The following ADAR variants were observed in gnomAD, a reference collection of about 807,000 sequenced individuals.
ADAR encodes adenosine deaminase RNA specific.
In ADAR, 41 loss-of-function variants were observed where a neutral mutation model predicts 113.2. That is an observed-to-expected ratio of 0.36 (90% CI 0.28 to 0.47). ADAR has a LOEUF of 0.47. Ranked by LOEUF, ADAR falls within the 20% of genes least tolerant of loss-of-function variation. ADAR has a pLI of 1.00. For missense variants in ADAR, 1,242 were observed against 1,540.9 expected, an observed-to-expected ratio of 0.81 and a Z score of 3.25; for synonymous variants, 605 against 572.6, an observed-to-expected ratio of 1.06 and a Z score of -0.81.
intron 7 of ADAR, 48 bp downstream of exon 7, chr1:154,590,136 G>GGGGGT: frequency 6.9e-7 from 1 of 1,445,368 alleles, no homozygotes; most frequent in Non-Finnish European, 9.6e-7. Context: ...TTAGGAGTTA[G>GGGGGT]GAGGACCCCC....
At chr1:154,615,523 C>T (rs1698610480) in intron 1 of ADAR, among the ~76,000 whole-genome samples, 1 of 152,212 alleles carries the variant, frequency 6.6e-6, no homozygotes. Flanking sequence ...AATCCTCCTG[C>T]CTCAGCTTCT....
At chr1:154,598,036 C>CAG (rs1697621225) in intron 3 of ADAR, 60 bp from the exon 4 acceptor site, 1 of 1,571,444 alleles carries the variant, frequency 6.4e-7, no homozygotes. Flanking sequence ...TAGTCCATCA[C>CAG]AGAAGAAGGG....
chr1:154,600,817 A>T (rs1016246144), intron 2 of ADAR: 2 of 632,098 alleles, frequency 3.2e-6, no homozygotes, highest in African/African-American at 3.7e-5. Context: ...CAACAGAGTC[A>T]ACCTCCCCCT....
chr1:154,591,665 T>C (rs3766927), intron 6 of ADAR, among the ~76,000 whole-genome samples: 96,450 of 152,206 alleles, frequency 0.63, 31,610 homozygotes, highest in South Asian at 0.77. Context: ...GATCCTAATC[T>C]ACTGGCTGAG....
intron 1 of ADAR, among the ~76,000 whole-genome samples, chr1:154,605,670 T>C (rs2101657782): frequency 6.6e-6 from 1 of 152,312 alleles, no homozygotes; most frequent in Non-Finnish European, 1.5e-5. Context: ...GTTGAATTAA[T>C]GACTGCATGA....
At chr1:154,611,141 C>CT (rs575044899), upstream of ADAR, among the ~76,000 whole-genome samples, 206 of 152,268 alleles carry the variant, frequency 1.4e-3, 3 homozygotes, top group South Asian at 2.5e-3. Context: ...TATCTTACCT[C>CT]TGCTTTCTTG....
rs146811257 is a variant in ADAR, at chr1:154,588,208, C to A, written c.2936G>T (p.Arg979Leu). 6.2e-7 allele frequency: 1 copy of A among 1,613,968 alleles called. No individual in the cohort carries two copies. The highest frequency in any genetic ancestry group is 2.2e-5 in the East Asian group (1 of 44,882). Residue 979 changes from arginine to leucine, a missense_variant, in exon 11 of 15, where the codon CGT (arginine) becomes CTT (leucine). By Grantham distance (102) the Arg-to-Leu change is moderately radical. This residue lies in a region of ADAR where 780 missense variants were observed against 1,057.9 expected (regional missense o/e 0.74). Coordinates refer to ENST00000368474, the MANE Select transcript of ADAR (RefSeq NM_001111.5). ...GCGGGATTCTGTGCTTTCCATAGCA[C>A]GGTCGCTGCAGGACTTGTCAAAGAG... ...GALFDKSCSD[R>L]AMESTESRHY...
chr1:154,621,716 GGTAGGGT>G (rs1698795510), intron 1 of ADAR, among the ~76,000 whole-genome samples: 1 of 152,150 alleles, frequency 6.6e-6, no homozygotes, highest in South Asian at 2.1e-4. Context: ...TGGAGAGGAG[GGTAGGGT>G]GAGGGAGAGG....
chr1:154,601,366 T>G lies in ADAR; in HGVS notation c.1276A>C (p.Arg426=). 1 of 1,614,262 alleles carries G rather than the reference T, an allele frequency of 6.2e-7. No homozygotes were observed. The highest frequency in any genetic ancestry group is 1.3e-5 in the African/African-American group (1 of 75,074). The part of the protein sequence containing the change: ...VIKLENRQEA[R]PEPARLKPPV... ...GGTTTCAGTCTTGCTGGTTCTGGTC[T>G]GGCCTCTTGCCTGTTTTCTAACTTT... The change falls in exon 2 of 15, where the codon AGA becomes CGA. Residue 426 remains arginine, a synonymous_variant. Transcript: ENST00000368474. This position sits in a 1 kb window ranked among gnomAD's most constrained non-coding sequence, Gnocchi z 4.7.
chr1:154,608,566 T>A (rs1698356055), upstream of ADAR, among the ~76,000 whole-genome samples: 1 of 139,192 alleles, frequency 7.2e-6, no homozygotes, highest in South Asian at 2.4e-4. Flanking sequence ...GGTCTCGAAC[T>A]CCCGGCTTCA....
chr1:154,605,420 G>C (rs190473249), intron 1 of ADAR, among the ~76,000 whole-genome samples: 1 of 137,928 alleles, frequency 7.3e-6, no homozygotes, highest in East Asian at 2.1e-4. Context: ...ACTTTCCCTC[G>C]TATCAGAGCT....
In ADAR at chr1:154,598,542, C is replaced by T. The variant is rs892495161; in HGVS notation, c.1645G>A (p.Ala549Thr). ...GCCACTTTCTTGCTTCCAGCTTCAG[C>T]TGGGGGAAACTCTCGGCCATTGATG... ...VVINGREFPP[A>T]EAGSKKVAKQ... The change falls in exon 3 of 15, where the codon GCT becomes ACT. Residue 549 changes from alanine (A) to threonine (T), a missense_variant. Physicochemically the swap from Ala to Thr is moderately conservative, Grantham distance 58. Coordinates refer to ENST00000368474, the MANE Select transcript of ADAR (RefSeq NM_001111.5). 6 of 1,614,108 alleles carry T rather than the reference C, an allele frequency of 3.7e-6. No individual in the cohort carries two copies. The African/African-American group carries it at 8.0e-5, about 22-fold the overall frequency.
chr1:154,611,559 T>C (rs1698488222), upstream of ADAR, among the ~76,000 whole-genome samples: 1 of 151,898 alleles, frequency 6.6e-6, no homozygotes, highest in Non-Finnish European at 1.5e-5. Flanking sequence ...TTTCAGAAAA[T>C]ACAGACAAGC....
chr1:154,588,874 C>T (rs1439327763), intron 9 of ADAR, among the ~76,000 whole-genome samples: 1 of 152,216 alleles, frequency 6.6e-6, no homozygotes, highest in Non-Finnish European at 1.5e-5. Context: ...TTCATTTCTG[C>T]TGAGGGCTCC....
In ADAR at chr1:154,601,020, A is replaced by G. The variant is rs747520837; in HGVS notation, c.1601+21T>C. The G allele has an allele frequency of 1.7e-5, 28 of 1,613,784 alleles. No homozygotes were observed. The highest frequency in any genetic ancestry group is 2.3e-5 in the Non-Finnish European group (27 of 1,180,032). On this transcript the variant is annotated intron_variant, in intron 2 of 14. Coordinates refer to ENST00000368474, the MANE Select transcript of ADAR (RefSeq NM_001111.5). The surrounding 1 kb of genome is among the most constrained non-coding windows in gnomAD (Gnocchi z 4.7). ...AGCACCTGACCCCAACCCTAGGTAC[A>G]GTTCCTGGGTGGTCTCTTACCGAGG... is the stretch of plus-strand genomic sequence containing the variant.
upstream of ADAR, chr1:154,608,285 G>A (rs893478054): frequency 6.2e-6 from 3 of 487,738 alleles, no homozygotes; most frequent in Non-Finnish European, 7.2e-6. Context: ...TTTCAGGCCG[G>A]TTACAAGTCG....
chr1:154,600,825 C>G, intron 2 of ADAR: 2 of 655,702 alleles, frequency 3.1e-6, no homozygotes, highest in Admixed American at 2.8e-5. Context: ...TCAACCTCCC[C>G]CTTGTTCAGC....
chr1:154,595,874 C>G (rs1280407649), intron 6 of ADAR, among the ~76,000 whole-genome samples: 2 of 152,168 alleles, frequency 1.3e-5, no homozygotes, highest in Admixed American at 6.5e-5. Flanking sequence ...TGGCAGGCGC[C>G]CTATACAGGT....
chr1:154,584,719 C>A lies in ADAR; in HGVS notation c.*87G>T, dbSNP rs1271299292. ...AGAAAAAAAAAGGAGAAAAAAAAATCCCCTGACCATGTGATGAGGAATGCT... is the reference window on the plus strand; with the variant it reads ...AGAAAAAAAAAGGAGAAAAAAAAATACCCTGACCATGTGATGAGGAATGCT... On this transcript the variant is annotated 3_prime_UTR_variant, in exon 15 of 15. Coordinates refer to ENST00000368474, the MANE Select transcript of ADAR (RefSeq NM_001111.5). The A allele has an allele frequency of 4.2e-6, 5 of 1,182,824 alleles. No homozygotes were observed. Among genetic ancestry groups the A allele is most frequent in the Non-Finnish European group, 4.9e-6 (4 of 808,986 alleles). 73.3% of individuals were successfully genotyped at this position (1,182,824 alleles called of 1,614,324 possible). A position where few individuals can be genotyped will look rare whatever the true frequency, so the allele number is the denominator to read the frequency against.
Sources: allele counts gnomAD v4.1 joint callset (sites outside exome capture counted in the v4.1 genomes callset), GRCh38; gene constraint gnomAD v4.1.1; regional missense constraint gnomAD v4.1.1; non-coding constraint Gnocchi (gnomAD v3.1); transcripts MANE v1.5; gene names NCBI Gene and HGNC (gene_info 2026-07-23, HGNC 2026-07-21).